Variants in TG observed in about 807,000 individuals in gnomAD.
TG encodes thyroglobulin, also known as thyroid hormones.
A neutral mutation model predicts 324.7 loss-of-function variants in TG; 270 were observed. The ratio of observed to expected loss-of-function variants is 0.83; its 90% CI spans 0.75 to 0.92. TG has a LOEUF of 0.92. Among genes scored for constraint, TG ranks in the 40% least tolerant of loss-of-function variants. TG has a pLI of 0.00. For synonymous variants in TG, 1,401 were observed against 1,327.0 expected (o/e 1.06, Z -1.21); for missense variants, 3,591 against 3,456.4 (o/e 1.04, Z -0.98).
intron 20 of TG, among the ~76,000 whole-genome samples, chr8:132,914,552 C>T (rs1820014286): frequency 6.6e-6 from 1 of 152,232 alleles, no homozygotes; most frequent in South Asian, 2.1e-4. Context: ...CCTGCACAAA[C>T]ATTTAACTCT....
rs546292750 is a variant in TG at position 132,996,368 on chromosome 8, C to A, written c.6262+12956C>A. ...GTATGTGAATAATAATAATCTTAAT[C>A]TTTATGGAGATATAAATTAGCATTC... is the stretch of plus-strand genomic sequence containing the variant. On this transcript the variant is annotated intron_variant, in intron 35 of 47. Coordinates refer to ENST00000220616, the MANE Select transcript of TG (RefSeq NM_003235.5). Among the ~76,000 whole-genome samples, 364 of 152,214 alleles carry A rather than the reference C, an allele frequency of 2.4e-3. 1 individual carries two copies. Among genetic ancestry groups the A allele is most frequent in the African/African-American group, 8.5e-3 (352 of 41,514 alleles).
chr8:133,029,909 G>C lies in TG; in HGVS notation c.7125G>C (p.Gly2375=). The C allele has an allele frequency of 6.2e-7, 1 of 1,614,220 alleles. No individual in the cohort carries two copies. The highest frequency in any genetic ancestry group is 1.3e-5 in the African/African-American group (1 of 75,062). The change falls in exon 41 of 48, where the codon GGG becomes GGC. Residue 2375 remains glycine, a synonymous_variant. Transcript: ENST00000220616. ...WVQTHIRGFG[G]DPRRVSLAAD... ...AGACCCACATCCGAGGATTTGGCGG[G>C]GACCCTCGGCGCGTGTCCCTGGCAG...
chr8:133,017,648 T>C, intron 37 of TG, 130 bp from the exon 38 acceptor site: 1 of 890,836 alleles, frequency 1.1e-6, no homozygotes, highest in South Asian at 1.4e-5. Flanking sequence ...TCTGAATGAA[T>C]GATTGACATT....
In TG at chr8:132,893,819, G is replaced by C; in HGVS notation, c.2891G>C (p.Arg964Pro). Residue 964 changes from arginine to proline, a missense_variant, in exon 11 of 48, where the codon CGG becomes CCG. Arg to Pro is a moderately radical substitution (Grantham distance 103). Coordinates refer to ENST00000220616, the MANE Select transcript of TG (RefSeq NM_003235.5). ...GESFLVAKGI[R>P]LRNEDLGLPP... ...AGTTTCCTGGTGGCCAAGGGAATCC[G>C]GCTGAGGAATGAGGACCTCGGCCTT... 5.0e-6 allele frequency: 8 copies of C among 1,613,990 alleles called. No individual in the cohort carries two copies. Among genetic ancestry groups the C allele is most frequent in the Non-Finnish European group, 6.8e-6 (8 of 1,179,934 alleles).
At chr8:133,004,199 C>T (rs577861018) in intron 35 of TG, among the ~76,000 whole-genome samples, 8 of 152,164 alleles carry the variant, frequency 5.3e-5, no homozygotes, top group African/African-American at 1.9e-4. Flanking sequence ...AGGCTTAGGG[C>T]CTTCTGGTGA....
intron 41 of TG, 44 bp downstream of exon 41, chr8:133,030,067 C>T: frequency 6.2e-7 from 1 of 1,611,522 alleles, no homozygotes; most frequent in African/African-American, 1.3e-5. Context: ...GCAGATGCGG[C>T]TGGGGGAGGT....
intron 41 of TG, among the ~76,000 whole-genome samples, chr8:133,086,441 A>C (rs1846572203): frequency 6.6e-6 from 1 of 152,246 alleles, no homozygotes; most frequent in African/African-American, 2.4e-5. Flanking sequence ...TTATCATACA[A>C]CAAAAATATT....
chr8:132,940,372 TCCCTG>T (rs1824271684), intron 25 of TG, among the ~76,000 whole-genome samples: 1 of 152,150 alleles, frequency 6.6e-6, no homozygotes, highest in Admixed American at 6.5e-5. Context: ...TATATATCTA[TCCCTG>T]AAAAATCTCA....
intron 35 of TG, among the ~76,000 whole-genome samples, chr8:132,983,965 C>T (rs965486511): frequency 1.3e-5 from 2 of 152,240 alleles, no homozygotes; most frequent in African/African-American, 4.8e-5. Flanking sequence ...ACTGATCCTC[C>T]TCACTCATGG....
chr8:133,068,891 G>A (rs1843516319), intron 41 of TG, among the ~76,000 whole-genome samples: 1 of 152,280 alleles, frequency 6.6e-6, no homozygotes, highest in Non-Finnish European at 1.5e-5. Flanking sequence ...TGTTGGACCA[G>A]AACAAATTTG....
intron 35 of TG, among the ~76,000 whole-genome samples, chr8:132,998,698 A>T (rs2130814247): frequency 6.6e-6 from 1 of 152,342 alleles, no homozygotes; most frequent in South Asian, 2.1e-4. Context: ...AATGTGCTGG[A>T]GAGAAAGAAA....
At chr8:132,982,164 T>G (rs1830945205) in intron 34 of TG, among the ~76,000 whole-genome samples, 1 of 152,220 alleles carries the variant, frequency 6.6e-6, no homozygotes, top group African/African-American at 2.4e-5. Flanking sequence ...AGAGGCACTG[T>G]TACTATGCCC....
At chr8:133,073,645 A>G (rs1450387332) in intron 41 of TG, among the ~76,000 whole-genome samples, 1 of 152,204 alleles carries the variant, frequency 6.6e-6, no homozygotes, top group Non-Finnish European at 1.5e-5. Context: ...AGTTTAATAG[A>G]CTTGCAGCTC....
chr8:132,904,662 T>C (rs1818412051), intron 16 of TG, among the ~76,000 whole-genome samples: 1 of 152,116 alleles, frequency 6.6e-6, no homozygotes, highest in African/African-American at 2.4e-5. Context: ...TCCTAGGTGA[T>C]GTTTGTGGCC....
At chr8:133,016,774 T>C (rs1414983918) in intron 37 of TG, among the ~76,000 whole-genome samples, 1 of 152,220 alleles carries the variant, frequency 6.6e-6, no homozygotes, top group Non-Finnish European at 1.5e-5. Flanking sequence ...CTTAAGTTCC[T>C]GAAAACAGTA....
intron 32 of TG, among the ~76,000 whole-genome samples, chr8:132,969,785 A>G (rs1007814844): frequency 2.6e-5 from 4 of 151,896 alleles, no homozygotes; most frequent in Non-Finnish European, 5.9e-5. Context: ...GTGGCGGCAC[A>G]TGCTAGTAGT....
Position 132,901,454 on chromosome 8 carries a change from G to C in TG, c.3535G>C (p.Val1179Leu), listed in dbSNP as rs773930405. 6 of 1,614,104 alleles carry C rather than the reference G, an allele frequency of 3.7e-6. No individual in the cohort carries two copies. The highest frequency in any genetic ancestry group is 5.1e-6 in the Non-Finnish European group (6 of 1,180,056). ...CRAEDGGFSPVQCDQAQGSCW... is the reference protein window; with the variant it reads ...CRAEDGGFSPLQCDQAQGSCW... ...GGCAGAGGATGGGGGCTTTTCCCCA[G>C]TGCAATGTGACCAGGCCCAGGGCAG... is the stretch of plus-strand genomic sequence containing the variant. The change falls in exon 16 of 48, where the codon GTG becomes CTG. Residue 1179 changes from valine (V) to leucine (L), a missense_variant. Physicochemically the swap from Val to Leu is conservative, Grantham distance 32 (BLOSUM62 1). Transcript: ENST00000220616.
intron 26 of TG, among the ~76,000 whole-genome samples, chr8:132,945,415 AT>A (rs1443739737): frequency 1.3e-5 from 2 of 152,258 alleles, no homozygotes; most frequent in East Asian, 3.9e-4. Flanking sequence ...AAGAGATTGG[AT>A]GTCCAATTTG....
chr8:132,980,909 A>C (rs888845614), intron 34 of TG, among the ~76,000 whole-genome samples: 29 of 148,398 alleles, frequency 2.0e-4, no homozygotes, highest in African/African-American at 7.3e-4. Context: ...GCCCTATCTC[A>C]TCAGATTGTT....
Sources: allele counts gnomAD v4.1 joint callset (sites outside exome capture counted in the v4.1 genomes callset), GRCh38; gene constraint gnomAD v4.1.1; transcripts MANE v1.5; gene names NCBI Gene and HGNC (gene_info 2026-07-23, HGNC 2026-07-21).